Variants in ALG9 observed in about 807,000 individuals in gnomAD.
ALG9 encodes alpha-1,2-mannosyltransferase ALG9.
Under a neutral mutation model 81.8 loss-of-function variants are expected in ALG9, and 55 were observed. The observed-to-expected ratio is 0.67, with a 90% CI of 0.54 to 0.84. The LOEUF (loss-of-function observed/expected upper bound fraction) is 0.84, where lower values mean the gene tolerates loss of function less well. Among genes scored for constraint, ALG9 ranks in the 40% least tolerant of loss-of-function variants. The pLI, the probability that ALG9 is intolerant of heterozygous loss-of-function variation, is 0.00. For missense variants in ALG9, 629 were observed against 745.0 expected (o/e 0.84, Z 1.81); for synonymous variants, 278 against 274.3 (o/e 1.01, Z -0.13).
In ALG9 at chr11:111,784,199, C is replaced by A. The variant is rs953979845; in HGVS notation, c.*2198G>T. 6.6e-6 allele frequency: 1 copy of A among 152,260 alleles called. No homozygotes were observed. Among genetic ancestry groups the A allele is most frequent in the Non-Finnish European group, 1.5e-5 (1 of 68,074 alleles). The allele number at this position is 152,260 out of a possible 1,614,324, so 9.4% of individuals were successfully genotyped here. ...GAATTGAGAATTAAATGCCAGAGAT[C>A]TTTCAAGCAAGGGGGAGCCCAGTCT... On this transcript the variant is annotated 3_prime_UTR_variant, in exon 15 of 15. Transcript: ENST00000616540.
intron 14 of ALG9, among the ~76,000 whole-genome samples, chr11:111,794,110 T>C (rs183939172): frequency 1.3e-5 from 2 of 152,334 alleles, no homozygotes; most frequent in Admixed American, 6.5e-5. Flanking sequence ...TCTAATTCAA[T>C]TACTGGCCCT....
chr11:111,774,583 T>C, the ALG9 span, among the ~76,000 whole-genome samples: 2 of 152,234 alleles, frequency 1.3e-5, no homozygotes, highest in African/African-American at 4.8e-5. Context: ...TTTTTCAGTG[T>C]GCAGCATATC....
At chr11:111,798,902 A>G (rs1948689711) in intron 14 of ALG9, among the ~76,000 whole-genome samples, 1 of 152,244 alleles carries the variant, frequency 6.6e-6, no homozygotes, top group South Asian at 2.1e-4. Context: ...AATTAGGAAA[A>G]GAAGTGAACG....
intron 13 of ALG9, among the ~76,000 whole-genome samples, chr11:111,823,224 A>C (rs1952719014): frequency 6.6e-6 from 1 of 152,202 alleles, no homozygotes; most frequent in African/African-American, 2.4e-5. Flanking sequence ...AGTGCAAACC[A>C]CTAAGATCCC....
At chr11:111,778,934 C>G (rs1555056054), downstream of ALG9, among the ~76,000 whole-genome samples, 3 of 151,936 alleles carry the variant, frequency 2.0e-5, no homozygotes, top group African/African-American at 7.3e-5. Flanking sequence ...CCTGCCTCAG[C>G]CTACTGAGTA....
chr11:111,844,653 G>C lies in ALG9; in HGVS notation c.966C>G (p.Leu322=). ...LNFNVAFALA[L]LVLPLTSLME... is the part of the protein sequence containing the mutation. ...TAAGAGAAGTCAGTGGTAGGACTAG[G>C]AGAGCCAAAGCAAAGGCTACATTGA... The change falls in exon 9 of 15, where the codon CTC becomes CTG. Residue 322 remains leucine, a synonymous_variant. Coordinates refer to ENST00000616540, the MANE Select transcript of ALG9 (RefSeq NM_024740.2). The C allele has an allele frequency of 1.9e-6, 3 of 1,614,096 alleles. No homozygotes were observed. The highest frequency in any genetic ancestry group is 2.5e-6 in the Non-Finnish European group (3 of 1,179,996).
chr11:111,813,567 T>TA (rs1181110803), intron 13 of ALG9, among the ~76,000 whole-genome samples: 3 of 151,870 alleles, frequency 2.0e-5, no homozygotes, highest in East Asian at 3.8e-4. Flanking sequence ...CATTAAGAAT[T>TA]AAAAAAACAC....
chr11:111,768,115 G>C, the ALG9 span, among the ~76,000 whole-genome samples: 1 of 152,134 alleles, frequency 6.6e-6, no homozygotes, highest in Non-Finnish European at 1.5e-5. Context: ...TGCACAAAAT[G>C]AAAGCCAAAT....
chr11:111,797,367 C>A (rs931348751), intron 14 of ALG9, among the ~76,000 whole-genome samples: 54 of 152,332 alleles, frequency 3.5e-4, no homozygotes, highest in African/African-American at 1.3e-3. Context: ...TGGCTGACAG[C>A]CCCAGCTGAG....
At chr11:111,834,696 ATAAC>A (rs1555115931) in intron 13 of ALG9, among the ~76,000 whole-genome samples, 2 of 152,286 alleles carry the variant, frequency 1.3e-5, no homozygotes, top group East Asian at 3.9e-4. Context: ...CAAAGCTCCG[ATAAC>A]ATCACTCTGA....
At chr11:111,770,709 TAAATA>T in the ALG9 span, among the ~76,000 whole-genome samples, 133 of 152,010 alleles carry the variant, frequency 8.7e-4, no homozygotes, top group African/African-American at 3.1e-3. Context: ...AAAAAATAAA[TAAATA>T]AAATAAAAAG....
intron 1 of ALG9, 121 bp downstream of exon 1, chr11:111,871,231 C>G: frequency 7.6e-7 from 1 of 1,313,962 alleles, no homozygotes; most frequent in Non-Finnish European, 9.6e-7. Context: ...AGAGGGAGCT[C>G]GGGCCTCCCG....
chr11:111,794,104 A>T (rs1237665252), intron 14 of ALG9, among the ~76,000 whole-genome samples: 3 of 152,204 alleles, frequency 2.0e-5, no homozygotes, highest in Non-Finnish European at 4.4e-5. Context: ...ATGTTTTCTA[A>T]TTCAATTACT....
chr11:111,867,842 C>A (rs1555154793), intron 3 of ALG9, among the ~76,000 whole-genome samples: 1 of 152,278 alleles, frequency 6.6e-6, no homozygotes, highest in African/African-American at 2.4e-5. Context: ...TCTTTTGATA[C>A]TACTTCCCAC....
intron 14 of ALG9, among the ~76,000 whole-genome samples, chr11:111,804,386 T>A (rs571445111): frequency 6.6e-6 from 1 of 152,200 alleles, no homozygotes; most frequent in South Asian, 2.1e-4. Flanking sequence ...GCAAAAGACA[T>A]ATCAAATAAA....
intron 4 of ALG9, among the ~76,000 whole-genome samples, chr11:111,861,335 C>T (rs919035147): frequency 4.6e-5 from 7 of 152,354 alleles, no homozygotes; most frequent in Non-Finnish European, 8.8e-5. Flanking sequence ...AGATTCCTTA[C>T]TGCATTTCAG....
At chr11:111,826,443 A>T (rs1953316219) in intron 13 of ALG9, among the ~76,000 whole-genome samples, 1 of 151,880 alleles carries the variant, frequency 6.6e-6, no homozygotes, top group Non-Finnish European at 1.5e-5. Flanking sequence ...TATGAAAAAC[A>T]GCAGTACCCT....
At chr11:111,768,167 T>C in the ALG9 span, among the ~76,000 whole-genome samples, 2 of 152,104 alleles carry the variant, frequency 1.3e-5, no homozygotes, top group African/African-American at 2.4e-5. Flanking sequence ...AACAGAAAAA[T>C]GGTGAGAAAA....
intron 12 of ALG9, among the ~76,000 whole-genome samples, chr11:111,837,216 T>G (rs903442728): frequency 1.3e-5 from 2 of 152,144 alleles, no homozygotes; most frequent in Non-Finnish European, 2.9e-5. Context: ...CAGGGCATTT[T>G]CAGAAGTCCC....
Sources: allele counts gnomAD v4.1 joint callset (sites outside exome capture counted in the v4.1 genomes callset), GRCh38; gene constraint gnomAD v4.1.1; transcripts MANE v1.5; gene names NCBI Gene and HGNC (gene_info 2026-07-23, HGNC 2026-07-21).